Variants in PRKG1 observed in about 807,000 individuals in gnomAD.
PRKG1 encodes the protein cGMP-dependent protein kinase 1.
In PRKG1, 35 loss-of-function variants were observed where a neutral mutation model predicts 88.1. The ratio of observed to expected loss-of-function variants is 0.40; its 90% CI spans 0.30 to 0.53. PRKG1 has a LOEUF of 0.53. Ranked by LOEUF, PRKG1 falls within the 20% of genes least tolerant of loss-of-function variation. The pLI is 0.59. For missense variants in PRKG1, 540 were observed against 839.8 expected (o/e 0.64, Z 4.41); for synonymous variants, 303 against 292.5 (o/e 1.04, Z -0.37).
At chr10:51,540,802 C>T (rs919843138) in intron 3 of PRKG1, among the ~76,000 whole-genome samples, 1 of 152,072 alleles carries the variant, frequency 6.6e-6, no homozygotes, top group African/African-American at 2.4e-5. Flanking sequence ...TCACTGCTAT[C>T]TCCTCCTCCC....
At chr10:51,055,315 C>T (rs762549196) in intron 1 of PRKG1, among the ~76,000 whole-genome samples, 1 of 151,984 alleles carries the variant, frequency 6.6e-6, no homozygotes, top group Non-Finnish European at 1.5e-5. Flanking sequence ...CTGATGCCTC[C>T]AGCAGATTGA....
chr10:51,657,846 C>A (rs767695887), intron 3 of PRKG1, among the ~76,000 whole-genome samples: 3 of 152,062 alleles, frequency 2.0e-5, no homozygotes, highest in African/African-American at 7.2e-5. Flanking sequence ...TTCTGCTGTG[C>A]AGAATTATAT....
intron 4 of PRKG1, among the ~76,000 whole-genome samples, chr10:51,871,594 A>G (rs2132857940): frequency 6.6e-6 from 1 of 152,350 alleles, no homozygotes; most frequent in Admixed American, 6.5e-5. Context: ...TCATCAGGAA[A>G]GATCCTCTTG....
At chr10:51,288,875 T>G (rs1281072009) in intron 2 of PRKG1, among the ~76,000 whole-genome samples, 1 of 152,190 alleles carries the variant, frequency 6.6e-6, no homozygotes, top group Non-Finnish European at 1.5e-5. Flanking sequence ...ATTTTTTTAC[T>G]TCAGCACTAA....
At chr10:52,079,301 T>A (rs2133300878) in intron 7 of PRKG1, among the ~76,000 whole-genome samples, 1 of 152,220 alleles carries the variant, frequency 6.6e-6, no homozygotes, top group African/African-American at 2.4e-5. Context: ...TTTTTTTTCA[T>A]CATATCCCAG....
At chr10:51,148,449 T>A (rs756311936) in intron 1 of PRKG1, among the ~76,000 whole-genome samples, 31 of 152,312 alleles carry the variant, frequency 2.0e-4, no homozygotes, top group Admixed American at 7.9e-4. Flanking sequence ...TTTGACTATG[T>A]CTTTTAAAGT....
chr10:51,540,360 C>T (rs892109535), intron 3 of PRKG1, among the ~76,000 whole-genome samples: 3 of 152,166 alleles, frequency 2.0e-5, no homozygotes, highest in African/African-American at 7.2e-5. Context: ...CTATTAGCAT[C>T]TCAACCAAGT....
chr10:51,595,740 C>T (rs1838429208), intron 3 of PRKG1, among the ~76,000 whole-genome samples: 1 of 152,112 alleles, frequency 6.6e-6, no homozygotes, highest in African/African-American at 2.4e-5. Flanking sequence ...TCCAGGTAAA[C>T]CTTTTCTGAC....
At chr10:51,567,639 G>A (rs956758623) in intron 3 of PRKG1, among the ~76,000 whole-genome samples, 1 of 152,172 alleles carries the variant, frequency 6.6e-6, no homozygotes, top group African/African-American at 2.4e-5. Flanking sequence ...CAGGCTGGAA[G>A]ACAGTGAGTT....
At chr10:52,199,197 C>A (rs1191554015) in intron 9 of PRKG1, among the ~76,000 whole-genome samples, 1 of 152,076 alleles carries the variant, frequency 6.6e-6, no homozygotes, top group Non-Finnish European at 1.5e-5. Flanking sequence ...CACCTTCTAA[C>A]CCTGACATTT....
At chr10:51,592,122 A>C (rs1838327240) in intron 3 of PRKG1, among the ~76,000 whole-genome samples, 1 of 152,228 alleles carries the variant, frequency 6.6e-6, no homozygotes. Flanking sequence ...TCAAACTGGG[A>C]AAATTGAATA....
intron 2 of PRKG1, among the ~76,000 whole-genome samples, chr10:51,175,196 A>C (rs1837158491): frequency 6.6e-6 from 1 of 151,688 alleles, no homozygotes; most frequent in Non-Finnish European, 1.5e-5. Context: ...CCTTAGCCAG[A>C]GTCAGTTATT....
At chr10:51,797,496 T>C (rs899933741) in intron 3 of PRKG1, among the ~76,000 whole-genome samples, 2 of 146,412 alleles carry the variant, frequency 1.4e-5, no homozygotes, top group African/African-American at 4.9e-5. Flanking sequence ...TCATTATACA[T>C]TATATATAAA....
At chr10:52,001,466 T>C (rs1480312169) in intron 5 of PRKG1, among the ~76,000 whole-genome samples, 1 of 151,964 alleles carries the variant, frequency 6.6e-6, no homozygotes, top group African/African-American at 2.4e-5. Flanking sequence ...ACATTGTATA[T>C]CCTAAACATA....
intron 1 of PRKG1, among the ~76,000 whole-genome samples, chr10:51,052,011 A>T (rs867061520): frequency 3.9e-5 from 6 of 152,342 alleles, no homozygotes; most frequent in African/African-American, 1.2e-4. Context: ...CAGAAAAAAG[A>T]TAAAGGACTT....
chr10:52,187,843 A>T (rs1051010921), intron 9 of PRKG1, among the ~76,000 whole-genome samples: 1 of 152,200 alleles, frequency 6.6e-6, no homozygotes, highest in Non-Finnish European at 1.5e-5. Flanking sequence ...AGGTATTGTC[A>T]TCTGTACATC....
intron 2 of PRKG1, among the ~76,000 whole-genome samples, chr10:51,385,403 T>C (rs1837224641): frequency 6.6e-6 from 1 of 152,186 alleles, no homozygotes; most frequent in African/African-American, 2.4e-5. Context: ...ATATATCAAA[T>C]AAGTAATTCA....
chr10:51,829,416 G>C (rs918398248), intron 4 of PRKG1, among the ~76,000 whole-genome samples: 1 of 152,146 alleles, frequency 6.6e-6, no homozygotes, highest in Non-Finnish European at 1.5e-5. Flanking sequence ...TACCTTAGAG[G>C]CTACCTACCA....
intron 4 of PRKG1, among the ~76,000 whole-genome samples, chr10:51,897,962 C>T (rs1216402214): frequency 1.3e-5 from 2 of 152,110 alleles, no homozygotes; most frequent in Admixed American, 1.3e-4. Flanking sequence ...TAAGCTCTTA[C>T]AATGATCTAT....
Sources: allele counts gnomAD v4.1 joint callset (sites outside exome capture counted in the v4.1 genomes callset), GRCh38; gene constraint gnomAD v4.1.1; transcripts MANE v1.5; gene names NCBI Gene and HGNC (gene_info 2026-07-23, HGNC 2026-07-21).